Variants in ANXA8 observed in about 807,000 individuals in gnomAD.
The protein encoded by ANXA8 is annexin A8.
ANXA8 carries 9 observed loss-of-function variants against 26.8 expected under a neutral mutation model. The ratio of observed to expected loss-of-function variants is 0.34; its 90% CI spans 0.20 to 0.59. ANXA8 has a LOEUF of 0.59. ANXA8 is among the 20% of genes least tolerant of loss of function. The pLI is 0.84. For missense variants in ANXA8, 83 were observed against 238.5 expected, an observed-to-expected ratio of 0.35 and a Z score of 4.29; for synonymous variants, 39 against 94.8, an observed-to-expected ratio of 0.41 and a Z score of 3.42.
At chr10:47,976,462 C>A in the ANXA8 span, among the ~76,000 whole-genome samples, 8 of 151,416 alleles carry the variant, frequency 5.3e-5, no homozygotes, top group Non-Finnish European at 1.0e-4. Flanking sequence ...AATCCTAGCA[C>A]TTTGGGAGGC....
the ANXA8 span, among the ~76,000 whole-genome samples, chr10:47,777,332 T>A: frequency 6.6e-6 from 1 of 151,568 alleles, no homozygotes; most frequent in Non-Finnish European, 1.5e-5. Flanking sequence ...TTATTTTTGT[T>A]TTTTTAGACA....
At chr10:47,565,537 A>T in the ANXA8 span, 1 of 342,248 alleles carries the variant, frequency 2.9e-6, no homozygotes, top group Non-Finnish European at 5.2e-6. Context: ...CTGGACAGCC[A>T]GTCGGGGCCA....
the ANXA8 span, among the ~76,000 whole-genome samples, chr10:47,693,445 G>T: frequency 6.6e-6 from 1 of 151,404 alleles, no homozygotes; most frequent in Non-Finnish European, 1.5e-5. Flanking sequence ...GCCTGCCACC[G>T]CGCGCGGCTA....
the ANXA8 span, among the ~76,000 whole-genome samples, chr10:47,687,710 C>T: frequency 6.6e-6 from 1 of 151,858 alleles, no homozygotes; most frequent in Non-Finnish European, 1.5e-5. Flanking sequence ...GCTAATATAC[C>T]AGTTATTCCT....
At chr10:47,762,555 G>C in the ANXA8 span, 1 of 359,114 alleles carries the variant, frequency 2.8e-6, no homozygotes, top group Non-Finnish European at 4.8e-6. Context: ...GCACCCCAGC[G>C]GGGGCGGCGG....
the ANXA8 span, among the ~76,000 whole-genome samples, chr10:47,673,118 TA>T: frequency 6.6e-6 from 1 of 151,106 alleles, no homozygotes; most frequent in South Asian, 2.1e-4. Context: ...GTTAGGATCC[TA>T]AGAAGCCCTA....
chr10:47,958,239 G>A, the ANXA8 span, among the ~76,000 whole-genome samples: 3 of 149,832 alleles, frequency 2.0e-5, no homozygotes, highest in Non-Finnish European at 4.4e-5. Context: ...AACACTTTGG[G>A]AAGCCGAGGC....
the ANXA8 span, among the ~76,000 whole-genome samples, chr10:47,896,043 G>A: frequency 2.0e-5 from 3 of 149,118 alleles, no homozygotes; most frequent in Non-Finnish European, 4.5e-5. Flanking sequence ...AGAGGGCCCT[G>A]GAGCCACAGC....
At chr10:47,701,760 TG>T in the ANXA8 span, among the ~76,000 whole-genome samples, 2 of 151,384 alleles carry the variant, frequency 1.3e-5, no homozygotes, top group African/African-American at 4.9e-5. Context: ...TGGAAGAAAG[TG>T]GGGAATGGGA....
At chr10:47,488,712 AATTTTTTTTTTTTTTT>A (rs1460726172), upstream of ANXA8, among the ~76,000 whole-genome samples, 3 of 95,954 alleles carry the variant, frequency 3.1e-5, no homozygotes, top group African/African-American at 1.2e-4. Context: ...TTACATGTTA[AATTTTTTTTTTTTTTT>A]TTTTTTTTTT....
chr10:47,948,842 A>C, the ANXA8 span, among the ~76,000 whole-genome samples: 1 of 151,762 alleles, frequency 6.6e-6, no homozygotes, highest in Non-Finnish European at 1.5e-5. Flanking sequence ...CCAGTGGCTA[A>C]GAAATGTGGG....
At chr10:47,951,979 T>C in the ANXA8 span, among the ~76,000 whole-genome samples, 1 of 150,432 alleles carries the variant, frequency 6.6e-6, no homozygotes, top group Non-Finnish European at 1.5e-5. Context: ...TGAATGCAAT[T>C]CTAGCAGTTT....
chr10:47,561,040 T>C, the ANXA8 span, among the ~76,000 whole-genome samples: 1 of 151,592 alleles, frequency 6.6e-6, no homozygotes, highest in Non-Finnish European at 1.5e-5. Context: ...TCCTTTTCTG[T>C]GGGCCTCATC....
At chr10:47,609,294 A>G in the ANXA8 span, among the ~76,000 whole-genome samples, 1 of 147,554 alleles carries the variant, frequency 6.8e-6, no homozygotes. Flanking sequence ...CCTCCAGCAG[A>G]ATTAGCCACA....
chr10:47,491,733 T>C, the ANXA8 span: 1 of 1,545,672 alleles, frequency 6.5e-7, no homozygotes, highest in Non-Finnish European at 8.7e-7. Context: ...CATGCTTTTA[T>C]AGCTGCCTCT....
At chr10:47,761,102 G>GCACGCA in the ANXA8 span, among the ~76,000 whole-genome samples, 18 of 145,572 alleles carry the variant, frequency 1.2e-4, no homozygotes, top group Admixed American at 1.0e-3. Context: ...ACACACACAC[G>GCACGCA]CACACACACA....
the ANXA8 span, among the ~76,000 whole-genome samples, chr10:47,715,332 G>C: frequency 9.5e-6 from 1 of 105,188 alleles, no homozygotes; most frequent in Non-Finnish European, 1.9e-5. Context: ...TGTAATCCCA[G>C]CTACTCAGGA....
At chr10:47,639,945 A>G in the ANXA8 span, among the ~76,000 whole-genome samples, 62 of 148,290 alleles carry the variant, frequency 4.2e-4, no homozygotes, top group South Asian at 1.1e-3. Context: ...GTCCACCTAT[A>G]TAATTTTTGT....
the ANXA8 span, among the ~76,000 whole-genome samples, chr10:47,703,498 G>T: frequency 1.3e-5 from 2 of 150,430 alleles, no homozygotes; most frequent in African/African-American, 4.9e-5. Context: ...ATCCCAGGAG[G>T]TTGAGGCTGC....
Sources: gnomAD v4.1 joint callset for allele counts (sites outside exome capture counted in the v4.1 genomes callset) on GRCh38, gnomAD v4.1.1 for gene constraint, MANE v1.5 for transcripts, NCBI Gene and HGNC (gene_info 2026-07-23, HGNC 2026-07-21) for gene names.